MARCHF1: variants seen among roughly 807,000 people sequenced by gnomAD.
MARCHF1 encodes membrane associated ring-CH-type finger 1, also known as E3 ubiquitin-protein ligase MARCHF1.
MARCHF1 carries 40 observed loss-of-function variants against 54.2 expected under a neutral mutation model. The ratio of observed to expected loss-of-function variants is 0.74; its 90% CI spans 0.57 to 0.96. The LOEUF (loss-of-function observed/expected upper bound fraction) is 0.96, where lower values mean the gene tolerates loss of function less well. MARCHF1 is among the 40% of genes least tolerant of loss of function. The pLI is 0.00. For synonymous variants in MARCHF1, 236 were observed against 236.3 expected (o/e 1.00, Z 0.01); for missense variants, 586 against 656.5 (o/e 0.89, Z 1.17).
chr4:163,890,520 C>T (rs1248634403), intron 3 of MARCHF1, among the ~76,000 whole-genome samples: 3 of 152,082 alleles, frequency 2.0e-5, no homozygotes, highest in Non-Finnish European at 4.4e-5. Context: ...ATAACTTGAT[C>T]AATCTATGCC....
intron 4 of MARCHF1, among the ~76,000 whole-genome samples, chr4:163,821,793 G>GTT (rs35402027): frequency 6.9e-6 from 1 of 143,886 alleles, no homozygotes; most frequent in African/African-American, 2.5e-5. Context: ...GGAAAAGAGG[G>GTT]TTTTTTTTTT....
At chr4:163,531,298 T>G (rs1293535970) in intron 9 of MARCHF1, among the ~76,000 whole-genome samples, 1 of 151,898 alleles carries the variant, frequency 6.6e-6, no homozygotes, top group Non-Finnish European at 1.5e-5. Context: ...CAATAGAGAT[T>G]TATTCTAGGT....
At chr4:164,194,435 C>G (rs1399206872) in intron 1 of MARCHF1, among the ~76,000 whole-genome samples, 2 of 152,136 alleles carry the variant, frequency 1.3e-5, no homozygotes, top group African/African-American at 4.8e-5. Context: ...TGGAAAACAT[C>G]CCATTTCACA....
At chr4:164,091,433 T>TATATATATATAA (rs1006610249) in intron 2 of MARCHF1, among the ~76,000 whole-genome samples, 3 of 146,982 alleles carry the variant, frequency 2.0e-5, no homozygotes, top group Admixed American at 6.8e-5. Flanking sequence ...TATATATGTA[T>TATATATATATAA]AAAATGAATT....
chr4:163,908,638 T>A (rs1201701142), intron 3 of MARCHF1, among the ~76,000 whole-genome samples: 1 of 152,104 alleles, frequency 6.6e-6, no homozygotes, highest in Non-Finnish European at 1.5e-5. Flanking sequence ...ATGTGCTAAA[T>A]CACTAGAGTC....
chr4:163,891,826 T>C (rs925956317), intron 3 of MARCHF1, among the ~76,000 whole-genome samples: 2 of 152,202 alleles, frequency 1.3e-5, no homozygotes, highest in African/African-American at 2.4e-5. Context: ...ACATAATCCA[T>C]GATGCTCATC....
chr4:164,252,015 G>T (rs7696535), intron 1 of MARCHF1, among the ~76,000 whole-genome samples: 1 of 151,846 alleles, frequency 6.6e-6, no homozygotes, highest in Non-Finnish European at 1.5e-5. Context: ...GAAAATCTCT[G>T]AAATTACTTT....
At chr4:164,143,323 G>A (rs1472478332) in intron 1 of MARCHF1, among the ~76,000 whole-genome samples, 10 of 144,238 alleles carry the variant, frequency 6.9e-5, no homozygotes, top group East Asian at 2.0e-4. Context: ...TACAGAGAAC[G>A]CCACAAAGAT....
intron 7 of MARCHF1, among the ~76,000 whole-genome samples, chr4:163,600,159 T>C (rs1740914513): frequency 6.6e-6 from 1 of 152,038 alleles, no homozygotes; most frequent in Non-Finnish European, 1.5e-5. Context: ...TATCTATTTA[T>C]ATACACACAT....
At chr4:163,652,526 G>C (rs978668454) in intron 5 of MARCHF1, among the ~76,000 whole-genome samples, 1 of 151,742 alleles carries the variant, frequency 6.6e-6, no homozygotes, top group Non-Finnish European at 1.5e-5. Context: ...GCTTCCTTTT[G>C]CCCATCAATT....
chr4:164,203,902 T>G (rs1326928728), intron 1 of MARCHF1, among the ~76,000 whole-genome samples: 2 of 152,226 alleles, frequency 1.3e-5, no homozygotes, highest in Admixed American at 6.5e-5. Context: ...ATGTGTTTTA[T>G]TCTACTATCA....
At chr4:164,294,223 C>T (rs191007329) in intron 1 of MARCHF1, among the ~76,000 whole-genome samples, 2 of 152,350 alleles carry the variant, frequency 1.3e-5, no homozygotes, top group Admixed American at 6.5e-5. Flanking sequence ...TTTTGGGACT[C>T]GGACTGGCTT....
At chr4:163,855,446 A>G (rs1444707987) in intron 3 of MARCHF1, among the ~76,000 whole-genome samples, 1 of 152,154 alleles carries the variant, frequency 6.6e-6, no homozygotes, top group Admixed American at 6.6e-5. Context: ...TGCATATTTA[A>G]TTTGCACTCT....
chr4:163,876,153 G>C (rs191386655), intron 3 of MARCHF1, among the ~76,000 whole-genome samples: 1 of 152,150 alleles, frequency 6.6e-6, no homozygotes, highest in East Asian at 1.9e-4. Flanking sequence ...TTAAAATGTA[G>C]CCTTAACCGT....
chr4:163,839,201 A>G (rs1463091435), intron 4 of MARCHF1, among the ~76,000 whole-genome samples: 1 of 152,110 alleles, frequency 6.6e-6, no homozygotes, highest in Non-Finnish European at 1.5e-5. Flanking sequence ...TGGCTATAAA[A>G]AAGACAGACA....
chr4:163,628,714 A>G (rs1378803656), intron 5 of MARCHF1, among the ~76,000 whole-genome samples: 1 of 152,262 alleles, frequency 6.6e-6, no homozygotes, highest in Non-Finnish European at 1.5e-5. Flanking sequence ...AGGATACAAA[A>G]TCAATGTGCA....
chr4:163,725,541 G>A (rs1000325988), intron 4 of MARCHF1, among the ~76,000 whole-genome samples: 1 of 151,728 alleles, frequency 6.6e-6, no homozygotes, highest in Non-Finnish European at 1.5e-5. Context: ...AAAAAAGTAT[G>A]GTAATATAGA....
At chr4:164,168,150 C>A (rs778525184) in intron 1 of MARCHF1, among the ~76,000 whole-genome samples, 1 of 151,800 alleles carries the variant, frequency 6.6e-6, no homozygotes, top group African/African-American at 2.4e-5. Context: ...ACATAGCCAA[C>A]GTGTATATGA....
chr4:163,613,020 G>C lies in MARCHF1; in HGVS notation c.261C>G (p.Asp87Glu), dbSNP rs1741398048. The C allele has an allele frequency of 6.6e-7, 1 of 1,507,520 alleles. No individual in the cohort carries two copies. The highest frequency in any genetic ancestry group is 8.8e-7 in the Non-Finnish European group (1 of 1,137,028). The allele number at this position is 1,507,520 out of a possible 1,614,324, so 93.4% of individuals were successfully genotyped here. Residue 87 changes from aspartate (D) to glutamate (E), a missense_variant, in exon 7 of 10, where the codon GAC becomes GAG. Physicochemically the swap from Asp to Glu is conservative, Grantham distance 45. Around this residue, in one of 3 missense-constraint regions of MARCHF1, gnomAD observed 387 missense variants for 394.6 expected, o/e 0.98. Coordinates refer to ENST00000514618, the MANE Select transcript of MARCHF1 (RefSeq NM_001394959.1). Reference sequence around the variant, plus strand: ...AATACTCAAATGACTCTTCTGACATGTCATGCAAGATGGCAGATCTAGACA... The same window carrying C: ...AATACTCAAATGACTCTTCTGACATCTCATGCAAGATGGCAGATCTAGACA... ...QDICRSAILH[D>E]MSEESFEYCT...
Sources: gnomAD v4.1 joint callset for allele counts (sites outside exome capture counted in the v4.1 genomes callset) on GRCh38, gnomAD v4.1.1 for gene constraint, gnomAD v4.1.1 regional missense constraint, MANE v1.5 for transcripts, NCBI Gene and HGNC (gene_info 2026-07-23, HGNC 2026-07-21) for gene names.